The following FAT3 variants were observed in gnomAD, a reference collection of about 807,000 sequenced individuals.
The protein encoded by FAT3 is FAT atypical cadherin 3.
FAT3 carries 95 observed loss-of-function variants against 310.2 expected under a neutral mutation model. That is an observed-to-expected ratio of 0.31 (90% CI 0.26 to 0.36). The LOEUF (loss-of-function observed/expected upper bound fraction) is 0.36. Ranked by LOEUF, FAT3 falls within the 10% of genes least tolerant of loss-of-function variation. FAT3 has a pLI of 1.00. For synonymous variants in FAT3, 2,314 were observed against 2,192.9 expected (o/e 1.06, Z -1.54); for missense variants, 5,408 against 5,715.6 (o/e 0.95, Z 1.74).
At chr11:92,568,048 T>TA (rs201604206) in intron 3 of FAT3, among the ~76,000 whole-genome samples, 5 of 151,258 alleles carry the variant, frequency 3.3e-5, no homozygotes, top group Admixed American at 1.3e-4. Context: ...ATAATAATAA[T>TA]AAAAAAAAAT....
intron 24 of FAT3, among the ~76,000 whole-genome samples, chr11:92,886,426 T>C (rs1252286963): frequency 6.6e-6 from 1 of 152,048 alleles, no homozygotes; most frequent in Non-Finnish European, 1.5e-5. Flanking sequence ...TAAGGGCATA[T>C]CCACACCACT....
In FAT3 at chr11:92,354,376, C is replaced by G. The variant is rs1948667930; in HGVS notation, c.2264C>G (p.Ser755Cys). 2 of 1,613,808 alleles carry G rather than the reference C, an allele frequency of 1.2e-6. No homozygotes were observed. The highest frequency in any genetic ancestry group is 1.7e-5 in the Admixed American group (1 of 59,988). Residue 755 changes from serine to cysteine, a missense_variant, in exon 2 of 28, where the codon TCT becomes TGT. By Grantham distance (112) the Ser-to-Cys change is moderately radical (BLOSUM62 -1). Coordinates refer to ENST00000525166, the MANE Select transcript of FAT3 (RefSeq NM_001367949.2). ...ILKIKAYDAD[S>C]GFNGKVLFTI... ...AAGATTAAAGCCTATGATGCCGACT[C>G]TGGCTTCAATGGAAAAGTGCTATTT...
rs1397797045 is a variant in FAT3 at position 92,737,910 on chromosome 11, CCT to C, written c.3670-23945_3670-23944del. Among the ~76,000 whole-genome samples, 6 of 152,148 alleles carry C rather than the reference CCT, an allele frequency of 3.9e-5. No homozygotes were observed. The East Asian group carries it at 7.8e-4, about 20-fold the overall frequency. On this transcript the variant is annotated intron_variant, in intron 4 of 27. Coordinates refer to ENST00000525166, the MANE Select transcript of FAT3 (RefSeq NM_001367949.2). ...GAATCAGGCCTCACAGAATCTGCCCCCTGATTGCTTCAAAAAAGATACCAGAA... is the reference window on the plus strand; with the variant it reads ...GAATCAGGCCTCACAGAATCTGCCCCGATTGCTTCAAAAAAGATACCAGAA...
chr11:92,706,963 A>T (rs1262056993), intron 4 of FAT3, among the ~76,000 whole-genome samples: 3 of 152,162 alleles, frequency 2.0e-5, no homozygotes, highest in Non-Finnish European at 4.4e-5. Flanking sequence ...GGGTACCTCA[A>T]GTTGTGTGAG....
intron 3 of FAT3, among the ~76,000 whole-genome samples, chr11:92,629,158 A>G (rs1650218573): frequency 6.6e-6 from 1 of 152,224 alleles, no homozygotes; most frequent in African/African-American, 2.4e-5. Flanking sequence ...CATAGTATAC[A>G]CTGAGATCTT....
At chr11:92,644,724 G>A (rs910406206) in intron 3 of FAT3, among the ~76,000 whole-genome samples, 1 of 152,230 alleles carries the variant, frequency 6.6e-6, no homozygotes, top group Non-Finnish European at 1.5e-5. Flanking sequence ...TATGCGCACT[G>A]CTGCCTTTTC....
chr11:92,726,038 A>G (rs1015632799), intron 4 of FAT3, among the ~76,000 whole-genome samples: 1 of 152,148 alleles, frequency 6.6e-6, no homozygotes, highest in African/African-American at 2.4e-5. Context: ...AAGGTGATGG[A>G]TATCTCAATG....
chr11:92,357,729 T>G (rs999261314), intron 2 of FAT3, among the ~76,000 whole-genome samples: 2 of 152,080 alleles, frequency 1.3e-5, no homozygotes, highest in Non-Finnish European at 2.9e-5. Flanking sequence ...GTTTACCTGA[T>G]ACAGTGAAAA....
At chr11:92,762,305 G>C in intron 5 of FAT3, 135 bp downstream of exon 5, 1 of 851,012 alleles carries the variant, frequency 1.2e-6, no homozygotes, top group South Asian at 2.0e-5. Context: ...TTCTTTCTGG[G>C]AGGCAAGTGC....
At chr11:92,603,851 A>G (rs1368271157) in intron 3 of FAT3, among the ~76,000 whole-genome samples, 1 of 152,216 alleles carries the variant, frequency 6.6e-6, no homozygotes, top group East Asian at 1.9e-4. Context: ...ACTTTTAGCC[A>G]TTCCAGGATC....
rs145919847 is a variant in FAT3 at position 92,429,288 on chromosome 11, G to A, written c.3292+73884G>A. 5.1e-4 allele frequency among the ~76,000 whole-genome samples: 78 copies of A among 152,112 alleles called. No homozygotes were observed. In the East Asian group the frequency reaches 0.014, roughly 27 times the overall value. On this transcript the variant is annotated intron_variant, in intron 2 of 27. Transcript: ENST00000525166. ...TTATGTGTGTCTTTGCAAGTGAGAT[G>A]GGTCTCCTGAATACAGCAAAGGGAT...
intron 13 of FAT3, among the ~76,000 whole-genome samples, chr11:92,814,565 A>G (rs1947771285): frequency 6.6e-6 from 1 of 152,220 alleles, no homozygotes; most frequent in African/African-American, 2.4e-5. Context: ...TAAACTGGTG[A>G]CATGACTTCA....
rs1321654442 is a variant in FAT3 at position 92,894,534 on chromosome 11, T to C, written c.*3421T>C. 1.3e-5 allele frequency: 2 copies of C among 152,268 alleles called. No homozygotes were observed. Among genetic ancestry groups the C allele is most frequent in the African/African-American group, 4.8e-5 (2 of 41,474 alleles). The allele number at this position is 152,268 out of a possible 1,614,324, so 9.4% of individuals were successfully genotyped here. On this transcript the variant is annotated 3_prime_UTR_variant, in exon 28 of 28. Transcript: ENST00000525166. ...TTCCCATAATCTGTTGTAGGCACTTTACTAGTATTGCACACATTCTGGTTA... is the reference window on the plus strand; with the variant it reads ...TTCCCATAATCTGTTGTAGGCACTTCACTAGTATTGCACACATTCTGGTTA...
intron 4 of FAT3, among the ~76,000 whole-genome samples, chr11:92,746,257 G>T (rs1945663717): frequency 6.6e-6 from 1 of 152,190 alleles, no homozygotes; most frequent in Admixed American, 6.5e-5. Flanking sequence ...CCACATGGCT[G>T]GGGAGAGGTC....
intron 2 of FAT3, among the ~76,000 whole-genome samples, chr11:92,518,429 C>A (rs1406361075): frequency 6.6e-6 from 1 of 152,072 alleles, no homozygotes; most frequent in Admixed American, 6.6e-5. Flanking sequence ...CCAGACCCTG[C>A]ACGTTCTCAC....
At chr11:92,650,779 C>T (rs1243721955) in intron 3 of FAT3, among the ~76,000 whole-genome samples, 1 of 152,196 alleles carries the variant, frequency 6.6e-6, no homozygotes, top group Non-Finnish European at 1.5e-5. Context: ...TAGCTCCTCT[C>T]AGTCTCACCT....
chr11:92,234,178 T>G (rs1864313568), intron 1 of FAT3, among the ~76,000 whole-genome samples: 1 of 152,258 alleles, frequency 6.6e-6, no homozygotes, highest in Non-Finnish European at 1.5e-5. Context: ...TTTAAACAGA[T>G]GTGGCAAATT....
intron 10 of FAT3, among the ~76,000 whole-genome samples, chr11:92,804,052 G>A (rs191905894): frequency 3.1e-4 from 47 of 152,332 alleles, no homozygotes; most frequent in Non-Finnish European, 4.9e-4. Context: ...TTCATTGTAA[G>A]TGTGAGATAT....
chr11:92,866,126 G>C (rs1949240860), intron 21 of FAT3, among the ~76,000 whole-genome samples: 1 of 152,182 alleles, frequency 6.6e-6, no homozygotes, highest in South Asian at 2.1e-4. Flanking sequence ...ACAAAGCTGA[G>C]AACTAGGAAA....
Sources: allele counts gnomAD v4.1 joint callset (sites outside exome capture counted in the v4.1 genomes callset), GRCh38; gene constraint gnomAD v4.1.1; transcripts MANE v1.5; gene names NCBI Gene and HGNC (gene_info 2026-07-23, HGNC 2026-07-21).